Variants in KLF12 observed in about 807,000 individuals in gnomAD.
The protein encoded by KLF12 is Krueppel-like factor 12.
KLF12 carries 9 observed loss-of-function variants against 37.8 expected under a neutral mutation model. The observed-to-expected ratio is 0.24, with a 90% CI of 0.14 to 0.42. KLF12 has a LOEUF of 0.42. KLF12 is among the 10% of genes least tolerant of loss of function. The pLI is 1.00. For missense variants in KLF12, 411 were observed against 516.0 expected, an observed-to-expected ratio of 0.80 and a Z score of 1.97; for synonymous variants, 208 against 202.1, an observed-to-expected ratio of 1.03 and a Z score of -0.25.
chr13:73,867,162 A>C (rs1451959123), intron 3 of KLF12, among the ~76,000 whole-genome samples: 3 of 152,210 alleles, frequency 2.0e-5, no homozygotes, highest in Admixed American at 6.5e-5. Context: ...TTTTAAAATT[A>C]TAGCTTCGAT....
chr13:74,156,970 C>T, the KLF12 span, among the ~76,000 whole-genome samples: 1 of 152,072 alleles, frequency 6.6e-6, no homozygotes, highest in South Asian at 2.1e-4. Context: ...GGAAATTTGA[C>T]AGAGACACTT....
At chr13:73,957,504 A>G (rs756233344) in intron 2 of KLF12, among the ~76,000 whole-genome samples, 5 of 152,218 alleles carry the variant, frequency 3.3e-5, no homozygotes, top group Admixed American at 6.5e-5. Context: ...AATTAGCCTC[A>G]GAAGTCTCCA....
chr13:74,081,610 C>A (rs1874891623), intron 1 of KLF12, among the ~76,000 whole-genome samples: 1 of 152,148 alleles, frequency 6.6e-6, no homozygotes, highest in African/African-American at 2.4e-5. Flanking sequence ...ACGCATCATC[C>A]TAGGCACTAG....
intron 6 of KLF12, among the ~76,000 whole-genome samples, chr13:73,724,351 G>A (rs1876504240): frequency 6.6e-6 from 1 of 152,174 alleles, no homozygotes; most frequent in East Asian, 1.9e-4. Flanking sequence ...AGAACACATA[G>A]ACACAGGGAG....
intron 3 of KLF12, among the ~76,000 whole-genome samples, chr13:73,886,148 G>A (rs1200733320): frequency 2.0e-5 from 3 of 152,174 alleles, no homozygotes; most frequent in Non-Finnish European, 4.4e-5. Flanking sequence ...GTCTATGGAA[G>A]TGTCACAAAG....
chr13:73,844,296 GT>G (rs1298216797), intron 4 of KLF12, among the ~76,000 whole-genome samples: 1 of 152,124 alleles, frequency 6.6e-6, no homozygotes, highest in Non-Finnish European at 1.5e-5. Context: ...CTGCAGTTAT[GT>G]TGTTATTATT....
chr13:74,027,423 G>GA (rs1342579516), intron 1 of KLF12, among the ~76,000 whole-genome samples: 2 of 152,156 alleles, frequency 1.3e-5, no homozygotes, highest in Non-Finnish European at 2.9e-5. Context: ...GGAGCGGGGG[G>GA]AGAGGGGTAG....
intron 1 of KLF12, among the ~76,000 whole-genome samples, chr13:74,000,556 G>C (rs1166600220): frequency 6.6e-6 from 1 of 152,068 alleles, no homozygotes; most frequent in African/African-American, 2.4e-5. Flanking sequence ...TTCCACCCAA[G>C]GATTCTTCAC....
intron 5 of KLF12, among the ~76,000 whole-genome samples, chr13:73,798,959 T>A (rs1209382776): frequency 6.6e-6 from 1 of 152,156 alleles, no homozygotes; most frequent in Non-Finnish European, 1.5e-5. Context: ...GACACCTGCA[T>A]GTGAATGTTC....
chr13:73,821,893 C>A (rs1488468755), intron 4 of KLF12, among the ~76,000 whole-genome samples: 1 of 152,182 alleles, frequency 6.6e-6, no homozygotes, highest in Non-Finnish European at 1.5e-5. Flanking sequence ...ATGCATCTCT[C>A]CTTTTTAAAG....
At chr13:73,727,702 C>CTT (rs4053530) in intron 6 of KLF12, among the ~76,000 whole-genome samples, 5,561 of 145,166 alleles carry the variant, frequency 0.038, 114 homozygotes, top group South Asian at 0.099. Flanking sequence ...CAATTTCTTT[C>CTT]TTTTTTTTTT....
chr13:74,018,066 A>C (rs1443551549), intron 1 of KLF12, among the ~76,000 whole-genome samples: 1 of 151,804 alleles, frequency 6.6e-6, no homozygotes, highest in African/African-American at 2.4e-5. Flanking sequence ...AAACTTTTGA[A>C]AATTCTTATA....
At chr13:73,858,397 A>G (rs1885723406) in intron 3 of KLF12, among the ~76,000 whole-genome samples, 1 of 152,222 alleles carries the variant, frequency 6.6e-6, no homozygotes, top group Non-Finnish European at 1.5e-5. Context: ...ACAGCTAAAT[A>G]TAACTGATAA....
chr13:73,931,724 G>T (rs906139261), intron 3 of KLF12, among the ~76,000 whole-genome samples: 3 of 151,932 alleles, frequency 2.0e-5, no homozygotes, highest in African/African-American at 4.8e-5. Flanking sequence ...AATGCTGATT[G>T]GGGAAAAATA....
At chr13:73,916,550 C>A (rs1307002535) in intron 3 of KLF12, among the ~76,000 whole-genome samples, 1 of 152,108 alleles carries the variant, frequency 6.6e-6, no homozygotes, top group Admixed American at 6.6e-5. Flanking sequence ...ACTTTTGGTA[C>A]AATGCTTTAT....
intron 3 of KLF12, among the ~76,000 whole-genome samples, chr13:73,915,350 A>G (rs1249202797): frequency 3.9e-5 from 6 of 152,172 alleles, no homozygotes; most frequent in Non-Finnish European, 8.8e-5. Flanking sequence ...AGATTAGGAC[A>G]TGGATATCTT....
the KLF12 span, among the ~76,000 whole-genome samples, chr13:74,215,668 C>A: frequency 1.0e-3 from 154 of 152,134 alleles, 1 homozygote; most frequent in Non-Finnish European, 1.8e-3. Flanking sequence ...GAACTCGTAC[C>A]CTCTTCATGT....
At chr13:74,293,896 A>G in the KLF12 span, among the ~76,000 whole-genome samples, 2 of 152,344 alleles carry the variant, frequency 1.3e-5, no homozygotes, top group East Asian at 3.9e-4. Context: ...AAGTGTATAG[A>G]GTCATGATTG....
At chr13:74,245,615 A>C in the KLF12 span, among the ~76,000 whole-genome samples, 1 of 152,136 alleles carries the variant, frequency 6.6e-6, no homozygotes, top group African/African-American at 2.4e-5. Flanking sequence ...TGCTCTGAGA[A>C]CCTTGTTTTA....
Sources: gnomAD v4.1 joint callset for allele counts (sites outside exome capture counted in the v4.1 genomes callset) on GRCh38, gnomAD v4.1.1 for gene constraint, MANE v1.5 for transcripts, NCBI Gene and HGNC (gene_info 2026-07-23, HGNC 2026-07-21) for gene names.